RICTOR: variants seen among roughly 807,000 people sequenced by gnomAD.
RICTOR encodes the protein RPTOR independent companion of MTOR complex 2, also known as rapamycin-insensitive companion of mTOR.
A neutral mutation model predicts 214.9 loss-of-function variants in RICTOR; 49 were observed. The observed-to-expected ratio is 0.23, with a 90% confidence interval of 0.18 to 0.29. The LOEUF (loss-of-function observed/expected upper bound fraction) is 0.29, where lower values mean the gene tolerates loss of function less well. RICTOR is among the 10% of genes least tolerant of loss of function. The probability of loss-of-function intolerance (pLI) is 1.00; values close to 1 mark genes in which losing one functional copy is unlikely to be tolerated. For missense variants in RICTOR, 1,625 were observed against 2,047.0 expected, an observed-to-expected ratio of 0.79 and a Z score of 3.98; for synonymous variants, 717 against 711.3, an observed-to-expected ratio of 1.01 and a Z score of -0.13.
intron 11 of RICTOR, among the ~76,000 whole-genome samples, chr5:38,969,228 T>G (rs1461462692): frequency 6.6e-6 from 1 of 151,944 alleles, no homozygotes; most frequent in Non-Finnish European, 1.5e-5. Flanking sequence ...CGCCTTGGCC[T>G]CCCAAAGTGC....
intron 3 of RICTOR, among the ~76,000 whole-genome samples, chr5:39,020,148 G>A (rs1755290423): frequency 1.3e-5 from 2 of 152,060 alleles, no homozygotes; most frequent in Admixed American, 1.3e-4. Context: ...AGCAAAAACG[G>A]GGTTTCATGA....
intron 37 of RICTOR, 74 bp from the exon 38 acceptor site, chr5:38,942,452 ATTTT>A (rs200385182): frequency 8.5e-5 from 48 of 564,528 alleles, no homozygotes; most frequent in African/African-American, 5.9e-4. Flanking sequence ...TAAATATCTA[ATTTT>A]TTTTTTTTTT....
intron 25 of RICTOR, among the ~76,000 whole-genome samples, chr5:38,956,589 C>T (rs1297719228): frequency 6.6e-6 from 1 of 152,102 alleles, no homozygotes; most frequent in Non-Finnish European, 1.5e-5. Context: ...TCAAGTATCA[C>T]ATCTACGGCT....
intron 2 of RICTOR, among the ~76,000 whole-genome samples, chr5:39,051,548 G>C (rs1757847774): frequency 6.6e-6 from 1 of 152,082 alleles, no homozygotes; most frequent in Admixed American, 6.5e-5. Context: ...AGGAGTTGGA[G>C]ACCAGGCTGG....
rs1450126385 is a variant in RICTOR, at chr5:38,940,095, G to C, written c.*2209C>G. 5.2e-6 allele frequency: 1 copy of C among 192,638 alleles called. No homozygotes were observed. Among genetic ancestry groups the C allele is most frequent in the Non-Finnish European group, 9.8e-6 (1 of 101,640 alleles). The allele number at this position is 192,638 out of a possible 1,614,324, so 11.9% of individuals were successfully genotyped here. ...CAAAGTAAGTGATATAGGCAGATATGATAAGGTATACATACATATTTTTCA... is the reference window on the plus strand; with the variant it reads ...CAAAGTAAGTGATATAGGCAGATATCATAAGGTATACATACATATTTTTCA... On this transcript the variant is annotated 3_prime_UTR_variant, in exon 38 of 38. Coordinates refer to ENST00000357387, the MANE Select transcript of RICTOR (RefSeq NM_152756.5).
chr5:39,035,619 G>A (rs1018168954), intron 2 of RICTOR, among the ~76,000 whole-genome samples: 1 of 152,170 alleles, frequency 6.6e-6, no homozygotes, highest in African/African-American at 2.4e-5. Context: ...AAGCAGAGAA[G>A]TCCTTAAAGG....
At position 38,961,574 on chromosome 5, in the gene RICTOR, G is replaced by A. The variant is rs150131955; in HGVS notation, c.1715+741C>T. Among the ~76,000 whole-genome samples the A allele has an allele frequency of 1.5e-3, 228 of 152,216 alleles. 2 individuals carry two copies. The highest frequency in any genetic ancestry group is 5.3e-3 in the African/African-American group (219 of 41,540). On this transcript the variant is annotated intron_variant, in intron 19 of 37. Transcript: ENST00000357387. ...CAATCCAATAGAGGTGTCCAATCCA[G>A]GAGCTGGGAAAACAAAGTTGAGTAA...
intron 2 of RICTOR, among the ~76,000 whole-genome samples, chr5:39,036,993 C>A (rs186711864): frequency 6.6e-6 from 1 of 152,288 alleles, no homozygotes; most frequent in African/African-American, 2.4e-5. Flanking sequence ...GAACTCTCCA[C>A]CCCAAATCAA....
intron 5 of RICTOR, among the ~76,000 whole-genome samples, chr5:39,001,335 A>G (rs1028106176): frequency 3.3e-5 from 5 of 152,258 alleles, no homozygotes; most frequent in Admixed American, 6.5e-5. Context: ...ACGTGAAACG[A>G]AAATATTTTC....
chr5:39,029,076 T>C (rs1756076895), intron 2 of RICTOR, among the ~76,000 whole-genome samples: 1 of 152,050 alleles, frequency 6.6e-6, no homozygotes, highest in African/African-American at 2.4e-5. Context: ...CAGATAGTGA[T>C]TGCTGGAAGA....
At chr5:38,973,883 T>C (rs1750988415) in intron 10 of RICTOR, among the ~76,000 whole-genome samples, 1 of 152,198 alleles carries the variant, frequency 6.6e-6, no homozygotes, top group Non-Finnish European at 1.5e-5. Flanking sequence ...ACAGAAATAA[T>C]GTTACAAGTA....
intron 26 of RICTOR, among the ~76,000 whole-genome samples, chr5:38,955,256 T>C (rs1034908130): frequency 1.4e-4 from 21 of 152,020 alleles, no homozygotes; most frequent in Non-Finnish European, 2.7e-4. Context: ...TCTCGTTATA[T>C]ATATGCAAAT....
In RICTOR at chr5:38,955,220, T is replaced by C. The variant is rs182854363; in HGVS notation, c.2610-359A>G. Among the ~76,000 whole-genome samples the C allele has an allele frequency of 1.6e-4, 25 of 152,170 alleles. No individual in the cohort carries two copies. In the East Asian group the frequency reaches 4.6e-3, roughly 28 times the overall value. Reference sequence around the variant, plus strand: ...ATATGAAACAGATTAATTTCATGTTTAGACTTGGGTACCATTCCCAAGGTA... The same window carrying C: ...ATATGAAACAGATTAATTTCATGTTCAGACTTGGGTACCATTCCCAAGGTA... On this transcript the variant is annotated intron_variant, in intron 26 of 37. Transcript: ENST00000357387.
chr5:38,968,313 C>CA (rs1427640805), intron 11 of RICTOR, among the ~76,000 whole-genome samples: 17 of 152,046 alleles, frequency 1.1e-4, no homozygotes, highest in Non-Finnish European at 2.2e-4. Context: ...CTGGAGTAAA[C>CA]AAACCCACTG....
intron 3 of RICTOR, among the ~76,000 whole-genome samples, chr5:39,015,031 A>T (rs1754838818): frequency 6.6e-6 from 1 of 152,312 alleles, no homozygotes; most frequent in East Asian, 1.9e-4. Flanking sequence ...GTAGAGAGGG[A>T]TATGAGGGTG....
chr5:38,959,420 CAAAT>C (rs1246747106), intron 21 of RICTOR, 99 bp from the exon 22 acceptor site: 2 of 706,882 alleles, frequency 2.8e-6, no homozygotes, highest in East Asian at 5.6e-5. Context: ...GTATAAATGA[CAAAT>C]AAAAATTGTA....
intron 10 of RICTOR, among the ~76,000 whole-genome samples, chr5:38,975,285 T>A (rs1044548951): frequency 6.6e-6 from 1 of 152,164 alleles, no homozygotes; most frequent in African/African-American, 2.4e-5. Context: ...GCCCAGGTAA[T>A]CATTAGCACA....
chr5:38,946,616 G>C, intron 32 of RICTOR, 64 bp from the exon 33 acceptor site: 1 of 984,536 alleles, frequency 1.0e-6, no homozygotes, highest in Non-Finnish European at 1.6e-6. Flanking sequence ...ATGAAAATTA[G>C]CAAAATTAAA....
At chr5:39,038,580 C>T (rs1756921231) in intron 2 of RICTOR, among the ~76,000 whole-genome samples, 1 of 152,210 alleles carries the variant, frequency 6.6e-6, no homozygotes, top group African/African-American at 2.4e-5. Context: ...CCCATTGTCT[C>T]AGCCCAAAAT....
Sources: gnomAD v4.1 joint callset for allele counts (sites outside exome capture counted in the v4.1 genomes callset) on GRCh38, gnomAD v4.1.1 for gene constraint, MANE v1.5 for transcripts, NCBI Gene and HGNC (gene_info 2026-07-23, HGNC 2026-07-21) for gene names.